Variants in GRID2 observed in about 807,000 individuals in gnomAD.
GRID2 encodes glutamate receptor ionotropic, delta-2.
In GRID2, 33 loss-of-function variants were observed where a neutral mutation model predicts 114.8. The observed-to-expected ratio is 0.29, with a 90% CI of 0.22 to 0.38. The LOEUF is 0.38. Among genes scored for constraint, GRID2 ranks in the 10% least tolerant of loss-of-function variants. The probability of loss-of-function intolerance (pLI) is 1.00; values close to 1 mark genes in which losing one functional copy is unlikely to be tolerated. For missense variants in GRID2, 1,184 were observed against 1,257.7 expected (o/e 0.94, Z 0.89); for synonymous variants, 505 against 449.9 (o/e 1.12, Z -1.55).
At chr4:92,744,355 G>A (rs1298071267) in intron 2 of GRID2, among the ~76,000 whole-genome samples, 1 of 151,874 alleles carries the variant, frequency 6.6e-6, no homozygotes, top group South Asian at 2.1e-4. Flanking sequence ...GGGTGTGGTG[G>A]CACACGCCTG....
chr4:93,477,354 G>A (rs922892853), intron 11 of GRID2, among the ~76,000 whole-genome samples: 6 of 151,990 alleles, frequency 3.9e-5, no homozygotes, highest in East Asian at 1.9e-4. Context: ...ATGAATGTTC[G>A]GAAGGTCATT....
At chr4:92,723,817 T>C (rs1028403483) in intron 2 of GRID2, among the ~76,000 whole-genome samples, 2 of 152,176 alleles carry the variant, frequency 1.3e-5, no homozygotes. Context: ...CATTATGGCC[T>C]CATGCCTCTC....
intron 1 of GRID2, among the ~76,000 whole-genome samples, chr4:92,391,936 G>A (rs188696797): frequency 3.3e-5 from 5 of 152,152 alleles, no homozygotes; most frequent in Non-Finnish European, 7.4e-5. Flanking sequence ...TTCTGGAAAG[G>A]TATTTTAAAA....
At chr4:92,791,327 C>T (rs569967186) in intron 2 of GRID2, among the ~76,000 whole-genome samples, 2 of 151,698 alleles carry the variant, frequency 1.3e-5, no homozygotes, top group South Asian at 4.2e-4. Context: ...GATTTCCTAC[C>T]TACAGAATAA....
rs762381181 is a variant in GRID2 at position 93,238,402 on chromosome 4, A to T, written c.1157A>T (p.Glu386Val). 1 of 1,606,686 alleles carries T rather than the reference A, an allele frequency of 6.2e-7. No individual in the cohort carries two copies. The highest frequency in any genetic ancestry group is 1.7e-5 in the Admixed American group (1 of 59,768). The change falls in exon 8 of 16, where the codon GAA (glutamate) becomes GTA (valine). Residue 386 changes from glutamate to valine, a missense_variant. By Grantham distance (121) the Glu-to-Val change is moderately radical. Transcript: ENST00000282020. ...GGVSGLTGEL[E>V]FGENGGNPNV... ...GTTAGTGGGTTGACTGGAGAGCTAG[A>T]ATTTGGAGAAAATGGAGGCAATCCC...
intron 2 of GRID2, among the ~76,000 whole-genome samples, chr4:92,603,074 T>C (rs188621571): frequency 6.6e-5 from 10 of 152,248 alleles, no homozygotes; most frequent in Non-Finnish European, 5.9e-5. Flanking sequence ...TGGAAAAACA[T>C]TCCATGCTCA....
intron 2 of GRID2, among the ~76,000 whole-genome samples, chr4:92,992,718 G>C (rs1268887543): frequency 3.3e-5 from 5 of 152,124 alleles, no homozygotes; most frequent in Non-Finnish European, 7.4e-5. Context: ...AGTCCAGTGA[G>C]CAATAAATGC....
chr4:92,802,135 AT>A (rs1740202567), intron 2 of GRID2, among the ~76,000 whole-genome samples: 1 of 151,952 alleles, frequency 6.6e-6, no homozygotes, highest in Non-Finnish European at 1.5e-5. Flanking sequence ...CATATACAAT[AT>A]TTTTTAGAGA....
chr4:92,921,310 C>T (rs1254694469), intron 2 of GRID2, among the ~76,000 whole-genome samples: 1 of 152,032 alleles, frequency 6.6e-6, no homozygotes, highest in Non-Finnish European at 1.5e-5. Context: ...TCCTTTAGTG[C>T]AGAGTAGTTT....
intron 14 of GRID2, among the ~76,000 whole-genome samples, chr4:93,701,731 G>A (rs531193836): frequency 7.9e-5 from 12 of 152,122 alleles, no homozygotes; most frequent in Admixed American, 1.3e-4. Flanking sequence ...GCATATATCT[G>A]TAGTCCCAGA....
intron 2 of GRID2, among the ~76,000 whole-genome samples, chr4:92,617,074 T>C (rs1363436352): frequency 1.3e-5 from 2 of 151,438 alleles, no homozygotes; most frequent in Admixed American, 6.6e-5. Flanking sequence ...TTCAATATCC[T>C]CTCTCTCGTT....
chr4:93,422,548 A>G (rs948319148), intron 9 of GRID2, among the ~76,000 whole-genome samples: 10 of 152,194 alleles, frequency 6.6e-5, no homozygotes, highest in Non-Finnish European at 1.0e-4. Flanking sequence ...CTTTTATCTA[A>G]TTTTTGATAT....
Position 92,836,322 on chromosome 4 carries a change from C to T in GRID2, c.244+246036C>T, listed in dbSNP as rs185661604. Among the ~76,000 whole-genome samples the T allele has an allele frequency of 4.6e-5, 7 of 152,184 alleles. 1 individual carries two copies. In the South Asian group the frequency reaches 6.2e-4, roughly 14 times the overall value. On this transcript the variant is annotated intron_variant, in intron 2 of 15. Transcript: ENST00000282020. Reference sequence around the variant, plus strand: ...ATTAAAATCAAGAAATATACTAGCACACATTCCATTAGCCATCAGAGCTAA... The same window carrying T: ...ATTAAAATCAAGAAATATACTAGCATACATTCCATTAGCCATCAGAGCTAA...
At chr4:93,075,767 T>A (rs1729208159) in intron 2 of GRID2, among the ~76,000 whole-genome samples, 1 of 151,876 alleles carries the variant, frequency 6.6e-6, no homozygotes, top group African/African-American at 2.4e-5. Context: ...ACATGTACAC[T>A]GAATACTACA....
intron 8 of GRID2, among the ~76,000 whole-genome samples, chr4:93,346,412 A>C (rs1760242471): frequency 6.6e-6 from 1 of 152,158 alleles, no homozygotes; most frequent in Non-Finnish European, 1.5e-5. Flanking sequence ...ACAATACTCC[A>C]AAACAGCATT....
intron 14 of GRID2, among the ~76,000 whole-genome samples, chr4:93,722,577 A>G (rs557164924): frequency 2.0e-5 from 3 of 152,192 alleles, no homozygotes; most frequent in African/African-American, 4.8e-5. Context: ...ATCTATATTA[A>G]TGGTTTTACA....
chr4:93,508,346 A>G (rs1728852950), intron 12 of GRID2, among the ~76,000 whole-genome samples: 1 of 151,450 alleles, frequency 6.6e-6, no homozygotes, highest in African/African-American at 2.4e-5. Flanking sequence ...GCAGGCACCC[A>G]CCACCATGCT....
intron 2 of GRID2, among the ~76,000 whole-genome samples, chr4:92,700,524 T>G (rs1441998067): frequency 6.6e-6 from 1 of 152,158 alleles, no homozygotes; most frequent in Non-Finnish European, 1.5e-5. Context: ...TCCTTTCCCT[T>G]AGTTTTTCCG....
intron 2 of GRID2, among the ~76,000 whole-genome samples, chr4:93,069,019 G>A (rs1401896609): frequency 6.6e-6 from 1 of 151,830 alleles, no homozygotes; most frequent in Non-Finnish European, 1.5e-5. Context: ...AGAGAGAGAG[G>A]AGGGAGGTGC....
Sources: gnomAD v4.1 joint callset for allele counts (sites outside exome capture counted in the v4.1 genomes callset) on GRCh38, gnomAD v4.1.1 for gene constraint, MANE v1.5 for transcripts, NCBI Gene and HGNC (gene_info 2026-07-23, HGNC 2026-07-21) for gene names.